The following NRG3 variants were observed in gnomAD, a reference collection of about 807,000 sequenced individuals.
The protein encoded by NRG3 is neuregulin 3, also known as pro-neuregulin-3, membrane-bound isoform.
In NRG3, 31 loss-of-function variants were observed where a neutral mutation model predicts 66.9. The observed-to-expected ratio is 0.46, with a 90% CI of 0.35 to 0.63. The LOEUF is 0.63. NRG3 is among the 20% of genes least tolerant of loss of function. The pLI is 0.00. For missense variants in NRG3, 910 were observed against 878.9 expected (o/e 1.04, Z -0.45); for synonymous variants, 393 against 359.4 (o/e 1.09, Z -1.06).
intron 1 of NRG3, among the ~76,000 whole-genome samples, chr10:81,987,222 C>T (rs1430839181): frequency 6.6e-6 from 1 of 152,018 alleles, no homozygotes; most frequent in Non-Finnish European, 1.5e-5. Flanking sequence ...GTAGTTGGGA[C>T]TACAGGCGCA....
At chr10:82,404,745 T>A (rs1198457843) in intron 2 of NRG3, among the ~76,000 whole-genome samples, 1 of 152,166 alleles carries the variant, frequency 6.6e-6, no homozygotes, top group Non-Finnish European at 1.5e-5. Flanking sequence ...TTACAGTTAA[T>A]CTTATGGGGT....
chr10:82,522,266 G>A, intron 2 of NRG3, among the ~76,000 whole-genome samples: 1 of 151,632 alleles, frequency 6.6e-6, no homozygotes, highest in Non-Finnish European at 1.5e-5. Flanking sequence ...GCTGGTCTTG[G>A]GCTCCTGACC....
At chr10:82,974,382 G>A (rs1311888406) in intron 7 of NRG3, among the ~76,000 whole-genome samples, 1 of 152,188 alleles carries the variant, frequency 6.6e-6, no homozygotes, top group Non-Finnish European at 1.5e-5. Flanking sequence ...TGTTATAAAT[G>A]AGGTGGCAGT....
chr10:82,447,220 C>G (rs997949159), intron 2 of NRG3, among the ~76,000 whole-genome samples: 1 of 152,176 alleles, frequency 6.6e-6, no homozygotes, highest in African/African-American at 2.4e-5. Flanking sequence ...AGTGCCAAAA[C>G]GAGCTTCTTT....
chr10:82,895,560 G>A (rs536753635), intron 4 of NRG3, among the ~76,000 whole-genome samples: 312 of 143,036 alleles, frequency 2.2e-3, no homozygotes, highest in Admixed American at 3.7e-3. Flanking sequence ...GCACGATCTC[G>A]GCTCACTGCA....
chr10:82,550,967 C>T (rs1351208655), intron 2 of NRG3, among the ~76,000 whole-genome samples: 2 of 152,032 alleles, frequency 1.3e-5, no homozygotes, highest in African/African-American at 4.8e-5. Flanking sequence ...CTACCAGATC[C>T]CCACACCCTC....
intron 1 of NRG3, among the ~76,000 whole-genome samples, chr10:82,179,366 GT>G (rs2073260277): frequency 6.6e-6 from 1 of 151,898 alleles, no homozygotes; most frequent in Non-Finnish European, 1.5e-5. Flanking sequence ...TATTTTAGGA[GT>G]TTTACAGTTT....
chr10:82,196,406 A>G (rs2074450864), intron 1 of NRG3, among the ~76,000 whole-genome samples: 1 of 152,134 alleles, frequency 6.6e-6, no homozygotes, highest in Admixed American at 6.6e-5. Context: ...CGATGATTCT[A>G]ATACTCTTTT....
rs531952897 is a variant in NRG3 at position 82,401,783 on chromosome 10, T to C, written c.953+42915T>C. On this transcript the variant is annotated intron_variant, in intron 2 of 8. Transcript: ENST00000372141. ...TTAAATTGCTTTTGATATTTGCCTT[T>C]AGTAATTCAACCTCATTTTCTTAAG... Among the ~76,000 whole-genome samples the C allele has an allele frequency of 2.1e-4, 32 of 152,288 alleles. No individual in the cohort carries two copies. The East Asian group carries it at 4.8e-3, about 23-fold the overall frequency.
At chr10:82,926,494 A>G (rs1377215962) in intron 4 of NRG3, among the ~76,000 whole-genome samples, 1 of 152,258 alleles carries the variant, frequency 6.6e-6, no homozygotes, top group Non-Finnish European at 1.5e-5. Flanking sequence ...CTAAAAAGTG[A>G]TAGTCACTTG....
intron 3 of NRG3, among the ~76,000 whole-genome samples, chr10:82,740,795 GCCTGGGTGACAGAGCAAGACTCTGTC>G (rs1299773417): frequency 2.9e-5 from 4 of 137,252 alleles, no homozygotes; most frequent in African/African-American, 1.1e-4. Flanking sequence ...CTGTACTCCA[GCCTGGGTGACAGAGCAAGACTCTGTC>G]TCAAAAAAAA....
chr10:82,523,745 C>T (rs538251202), intron 2 of NRG3, among the ~76,000 whole-genome samples: 1 of 152,130 alleles, frequency 6.6e-6, no homozygotes, highest in Non-Finnish European at 1.5e-5. Flanking sequence ...CCTTACATAA[C>T]TCAAAAGTCT....
At chr10:82,506,796 A>T (rs905867224) in intron 2 of NRG3, among the ~76,000 whole-genome samples, 2 of 152,176 alleles carry the variant, frequency 1.3e-5, no homozygotes, top group Non-Finnish European at 2.9e-5. Context: ...TACTCACATA[A>T]ATTAATTCTT....
chr10:82,115,163 A>C (rs75555610), intron 1 of NRG3, among the ~76,000 whole-genome samples: 5,168 of 152,000 alleles, frequency 0.034, 131 homozygotes, highest in Non-Finnish European at 0.049. Flanking sequence ...TCTTCTTTTG[A>C]TCCCTAGTCC....
chr10:82,813,874 A>G (rs193259489), intron 3 of NRG3, among the ~76,000 whole-genome samples: 2 of 152,260 alleles, frequency 1.3e-5, no homozygotes, highest in Non-Finnish European at 2.9e-5. Flanking sequence ...CTGTGTCTGA[A>G]GCATGACTTG....
intron 3 of NRG3, among the ~76,000 whole-genome samples, chr10:82,770,270 A>G (rs957267109): frequency 2.0e-5 from 3 of 152,114 alleles, no homozygotes; most frequent in African/African-American, 7.2e-5. Flanking sequence ...GCATTTCAAA[A>G]CTTTCCATTA....
Position 82,709,015 on chromosome 10 carries a change from T to A in NRG3, c.954-29562T>A, listed in dbSNP as rs115071338. On this transcript the variant is annotated intron_variant, in intron 2 of 8. Transcript: ENST00000372141. ...CGGTAGTGATTCTGGGGAGGGCAGA[T>A]CCCTTCCCAGAACCAGCAGAAGTCT... is the stretch of plus-strand genomic sequence containing the variant. Among the ~76,000 whole-genome samples the A allele has an allele frequency of 3.0e-3, 454 of 152,216 alleles. 2 individuals are homozygous for A. The highest frequency in any genetic ancestry group is 0.011 in the African/African-American group (443 of 41,542).
chr10:82,185,165 C>CT (rs1222697046), intron 1 of NRG3, among the ~76,000 whole-genome samples: 4 of 151,752 alleles, frequency 2.6e-5, no homozygotes, highest in Non-Finnish European at 4.4e-5. Flanking sequence ...CTCTTTTGAG[C>CT]TTTTTTTTCA....
chr10:81,878,871 GAAGGATCCTGTCTGT>G (rs1564627750), intron 1 of NRG3, among the ~76,000 whole-genome samples: 1 of 152,196 alleles, frequency 6.6e-6, no homozygotes. Context: ...AGATCAATCA[GAAGGATCCTGTCTGT>G]AAGGATCCTG....
Sources: allele counts gnomAD v4.1 joint callset (sites outside exome capture counted in the v4.1 genomes callset), GRCh38; gene constraint gnomAD v4.1.1; transcripts MANE v1.5; gene names NCBI Gene and HGNC (gene_info 2026-07-23, HGNC 2026-07-21).